GNG7: variants seen among roughly 807,000 people sequenced by gnomAD.
GNG7 encodes the protein guanine nucleotide-binding protein G(I)/G(S)/G(O) subunit gamma-7.
A neutral mutation model predicts 4.0 loss-of-function variants in GNG7; 1 was observed. The ratio of observed to expected loss-of-function variants is 0.25; its 90% confidence interval spans 0.09 to 1.18. The LOEUF (loss-of-function observed/expected upper bound fraction) is 1.18, where lower values mean the gene tolerates loss of function less well. GNG7 is among the 50% of genes most tolerant of loss of function. The pLI is 0.50. For missense variants in GNG7, 86 were observed against 91.9 expected (o/e 0.94, Z 0.26); for synonymous variants, 34 against 36.9 (o/e 0.92, Z 0.29).
At chr19:2,540,102 ATTTC>A (rs1217046624) in intron 3 of GNG7, among the ~76,000 whole-genome samples, 1 of 120,332 alleles carries the variant, frequency 8.3e-6, no homozygotes, top group Non-Finnish European at 1.6e-5. Context: ...TTCTTTCTCA[ATTTC>A]TTTCTTTTCT....
chr19:2,538,523 C>T (rs987774822), intron 3 of GNG7: 27 of 346,974 alleles, frequency 7.8e-5, no homozygotes, highest in East Asian at 5.7e-4. Context: ...TCCAGCTACC[C>T]GGGAGGCTGA....
chr19:2,551,286 A>G (rs1407062937), intron 3 of GNG7, among the ~76,000 whole-genome samples: 1 of 152,138 alleles, frequency 6.6e-6, no homozygotes, highest in Non-Finnish European at 1.5e-5. Context: ...TGGAGAATAT[A>G]TTCATGGAGA....
At chr19:2,625,512 A>G (rs553435578) in intron 2 of GNG7, among the ~76,000 whole-genome samples, 1 of 151,646 alleles carries the variant, frequency 6.6e-6, no homozygotes, top group Admixed American at 6.6e-5. Context: ...CTGCTCCCAG[A>G]TTAGCCAGAC....
chr19:2,686,118 C>T (rs992106360), intron 1 of GNG7, among the ~76,000 whole-genome samples: 1 of 151,908 alleles, frequency 6.6e-6, no homozygotes, highest in Admixed American at 6.6e-5. Flanking sequence ...AAAGTGCCAG[C>T]TGTCAGGCAG....
At position 2,539,221 on chromosome 19, in the gene GNG7, T is replaced by C. The variant is rs114960402; in HGVS notation, c.-38+15928A>G. 3.9e-3 allele frequency among the ~76,000 whole-genome samples: 592 copies of C among 152,270 alleles called. 5 individuals carry two copies. Among genetic ancestry groups the C allele is most frequent in the African/African-American group, 0.014 (569 of 41,558 alleles). ...AAGCAGATTATCTTCTGTTTTTTCC[T>C]TGCATAGTAATCAGAATTGAAATTT... On this transcript the variant is annotated intron_variant, in intron 3 of 4. Coordinates refer to ENST00000382159, the MANE Select transcript of GNG7 (RefSeq NM_052847.3).
rs1978541521 is a variant in GNG7 at position 2,530,298 on chromosome 19, A to T, written c.-37-9573T>A. Among the ~76,000 whole-genome samples, 3 of 151,958 alleles carry T rather than the reference A, an allele frequency of 2.0e-5. No homozygotes were observed. The South Asian group carries it at 6.2e-4, about 32-fold the overall frequency. ...CATGGTGGCACGTGCCTGTAGTCCC[A>T]GCTACTTGGGAGGCTGAGGCACAAG... On this transcript the variant is annotated intron_variant, in intron 3 of 4. Coordinates refer to ENST00000382159, the MANE Select transcript of GNG7 (RefSeq NM_052847.3).
intron 2 of GNG7, among the ~76,000 whole-genome samples, chr19:2,637,161 C>A (rs1041015463): frequency 6.6e-6 from 1 of 151,984 alleles, no homozygotes; most frequent in Non-Finnish European, 1.5e-5. Context: ...TGGCCGCCAG[C>A]GGTAACAGCA....
At chr19:2,595,857 G>A (rs2144806580) in intron 2 of GNG7, among the ~76,000 whole-genome samples, 1 of 152,244 alleles carries the variant, frequency 6.6e-6, no homozygotes, top group East Asian at 1.9e-4. Context: ...AAAAGTCTAG[G>A]GAGTTTCAGT....
chr19:2,586,787 C>T (rs1198079862), intron 2 of GNG7, among the ~76,000 whole-genome samples: 4 of 151,724 alleles, frequency 2.6e-5, no homozygotes, highest in African/African-American at 9.7e-5. Flanking sequence ...GAGTTTGAAA[C>T]CAGCCTGGCC....
At chr19:2,529,637 G>A (rs912452375) in intron 3 of GNG7, among the ~76,000 whole-genome samples, 2 of 152,218 alleles carry the variant, frequency 1.3e-5, no homozygotes, top group African/African-American at 4.8e-5. Flanking sequence ...GAAGTCCAGG[G>A]TGACCAGTCA....
chr19:2,688,935 C>T (rs1055669501), intron 1 of GNG7, among the ~76,000 whole-genome samples: 4 of 151,696 alleles, frequency 2.6e-5, no homozygotes, highest in African/African-American at 7.3e-5. Flanking sequence ...CACGGGGTTG[C>T]GTGCCTGTGG....
intron 1 of GNG7, among the ~76,000 whole-genome samples, chr19:2,673,679 G>C (rs920617246): frequency 1.7e-4 from 24 of 143,166 alleles, no homozygotes; most frequent in African/African-American, 6.4e-4. Context: ...GGGTGAAAGA[G>C]CGAGACTCCA....
intron 2 of GNG7, chr19:2,631,893 G>A (rs1032816452): frequency 1.3e-5 from 2 of 152,232 alleles, no homozygotes; most frequent in African/African-American, 4.8e-5. Context: ...ACTGACCCTA[G>A]AAGTGCCATT....
intron 4 of GNG7, 55 bp from the exon 5 acceptor site, chr19:2,515,202 C>G (rs1972716536): frequency 6.2e-7 from 1 of 1,606,996 alleles, no homozygotes; most frequent in Non-Finnish European, 8.5e-7. Flanking sequence ...GCTGGCACAC[C>G]CGGGTTCACA....
At chr19:2,643,845 G>A in intron 2 of GNG7, 1 of 354,930 alleles carries the variant, frequency 2.8e-6, no homozygotes, top group South Asian at 2.1e-5. Flanking sequence ...TCGACTCCCA[G>A]AGCTGCCCCG....
chr19:2,680,733 G>A (rs187811328), intron 1 of GNG7, among the ~76,000 whole-genome samples: 13 of 151,894 alleles, frequency 8.6e-5, no homozygotes, highest in Admixed American at 6.6e-4. Context: ...GCATCACCAC[G>A]CCTGGCTAAT....
In GNG7 at chr19:2,653,386, C is replaced by T. The variant is rs1982880585; in HGVS notation, c.-134-7106G>A. 2.0e-5 allele frequency among the ~76,000 whole-genome samples: 3 copies of T among 152,158 alleles called. No homozygotes were observed. In the South Asian group the frequency reaches 6.2e-4, roughly 32 times the overall value. ...AGGGATCGATCTGAGTCCCATGATC[C>T]TCGGCCCTGCTGAGGTCCCAGGAGG... On this transcript the variant is annotated intron_variant, in intron 1 of 4. Transcript: ENST00000382159. This position sits in a 1 kb window ranked among gnomAD's most constrained non-coding sequence, Gnocchi z 4.8.
intron 1 of GNG7, among the ~76,000 whole-genome samples, chr19:2,686,464 C>T (rs1195897447): frequency 1.3e-5 from 2 of 151,744 alleles, no homozygotes; most frequent in Admixed American, 6.6e-5. Flanking sequence ...GGCCTCCCCC[C>T]TCCTTTTTAA....
At chr19:2,668,232 AG>A (rs1283388675) in intron 1 of GNG7, among the ~76,000 whole-genome samples, 3 of 147,236 alleles carry the variant, frequency 2.0e-5, no homozygotes, top group South Asian at 2.3e-4. Context: ...AAAAAAAAAA[AG>A]AGACAGAGAG....
Sources: allele counts gnomAD v4.1 joint callset (sites outside exome capture counted in the v4.1 genomes callset), GRCh38; gene constraint gnomAD v4.1.1; non-coding constraint Gnocchi (gnomAD v3.1); transcripts MANE v1.5; gene names NCBI Gene and HGNC (gene_info 2026-07-23, HGNC 2026-07-21).